The following ETNPPL variants were observed in gnomAD, a reference collection of about 807,000 sequenced individuals.
ETNPPL encodes ethanolamine-phosphate phospho-lyase, also known as alanine--glyoxylate aminotransferase 2-like 1.
A neutral mutation model predicts 55.5 loss-of-function variants in ETNPPL; 30 were observed. That is an observed-to-expected ratio of 0.54 (90% CI 0.40 to 0.73). ETNPPL has a LOEUF of 0.73. Ranked by LOEUF, ETNPPL falls within the 30% of genes least tolerant of loss-of-function variation. ETNPPL has a pLI of 0.00. For missense variants in ETNPPL, 528 were observed against 607.9 expected (o/e 0.87, Z 1.38); for synonymous variants, 202 against 207.2 (o/e 0.98, Z 0.21).
Position 108,754,640 on chromosome 4 carries a change from T to C in ETNPPL, c.481A>G (p.Lys161Glu). 6.4e-7 allele frequency: 1 copy of C among 1,573,530 alleles called. No homozygotes were observed. The highest frequency in any genetic ancestry group is 8.7e-7 in the Non-Finnish European group (1 of 1,144,872). Residue 161 changes from lysine to glutamate, a missense_variant, in exon 5 of 13, where the codon AAA (lysine) becomes GAA (glutamate). Lys to Glu is a moderately conservative substitution (Grantham distance 56). Transcript: ENST00000296486. Reference sequence around the variant, plus strand: ...CTTACCACATGTACAAATTCTTTTTTGACATCTTTTCCTTTCTGAAACTTA... The same window carrying C: ...CTTACCACATGTACAAATTCTTTTTCGACATCTTTTCCTTTCTGAAACTTA... Reference protein sequence around the residue: ...PYKFQKGKDVKKEFVHVAPTP... With the variant: ...PYKFQKGKDVEKEFVHVAPTP...
chr4:108,762,993 T>C lies in ETNPPL; in HGVS notation c.-95A>G. 1 of 1,202,556 alleles carries C rather than the reference T, an allele frequency of 8.3e-7. No individual in the cohort carries two copies. The highest frequency in any genetic ancestry group is 1.8e-5 in the Admixed American group (1 of 56,002). 74.5% of individuals were successfully genotyped at this position (1,202,556 alleles called of 1,614,324 possible). On this transcript the variant is annotated 5_prime_UTR_variant, in exon 1 of 13. Coordinates refer to ENST00000296486, the MANE Select transcript of ETNPPL (RefSeq NM_031279.4). ...ACTGCCTTGGCGGCCCCGGCCGGCC[T>C]TCCTCCCGTTATCCCTCCTGGCGTT...
chr4:108,747,406 A>T (rs188643836), intron 9 of ETNPPL, among the ~76,000 whole-genome samples: 28 of 150,548 alleles, frequency 1.9e-4, no homozygotes, highest in African/African-American at 5.3e-4. Flanking sequence ...TAACTTTATT[A>T]AAAAAGTATA....
intron 11 of ETNPPL, among the ~76,000 whole-genome samples, chr4:108,745,845 C>T (rs56174911): frequency 0.023 from 3,270 of 142,776 alleles, 43 homozygotes; most frequent in Non-Finnish European, 0.036. Flanking sequence ...GCAGGAGAAT[C>T]GCTGAAACCC....
At chr4:108,742,803 G>A (rs73838501) in intron 12 of ETNPPL, among the ~76,000 whole-genome samples, 191 bp from the exon 13 acceptor site, 8,207 of 152,212 alleles carry the variant, frequency 0.054, 362 homozygotes, top group Middle Eastern at 0.14. Context: ...CAGAAAATCC[G>A]GGACTCCGAG....
At chr4:108,747,908 T>C in intron 9 of ETNPPL, 97 bp downstream of exon 9, 1 of 1,061,078 alleles carries the variant, frequency 9.4e-7, no homozygotes, top group Non-Finnish European at 1.4e-6. Context: ...TTTTGTAGTT[T>C]TAATAGAGAC....
chr4:108,756,593 T>G, intron 3 of ETNPPL, 101 bp from the exon 4 acceptor site: 4 of 857,868 alleles, frequency 4.7e-6, no homozygotes, highest in East Asian at 2.5e-5. Flanking sequence ...TCCTAGCGCT[T>G]TGAGAGGCCA....
At chr4:108,747,772 A>G in intron 9 of ETNPPL, 1 of 397,130 alleles carries the variant, frequency 2.5e-6, no homozygotes. Flanking sequence ...CCTATCACCC[A>G]GGCTGGAATG....
chr4:108,742,405 A>C lies in ETNPPL; in HGVS notation c.*79T>G. On this transcript the variant is annotated 3_prime_UTR_variant, in exon 13 of 13. Transcript: ENST00000296486. ...ACAATTCCACCTTTAGAGGTATAAT[A>C]GAGCTATTAACCGATGAGACACATC... 148 of 1,422,972 alleles carry C rather than the reference A, an allele frequency of 1.0e-4. No individual in the cohort carries two copies. The highest frequency in any genetic ancestry group is 1.3e-4 in the Non-Finnish European group (136 of 1,016,340). 88.1% of individuals were successfully genotyped at this position (1,422,972 alleles called of 1,614,324 possible).
chr4:108,754,687 G>A lies in ETNPPL; in HGVS notation c.434C>T (p.Ser145Phe), dbSNP rs146821959. Residue 145 changes from serine (S) to phenylalanine (F), a missense_variant, in exon 5 of 13, where the codon TCC becomes TTC. Physicochemically the swap from Ser to Phe is radical, Grantham distance 155 (BLOSUM62 -2). Coordinates refer to ENST00000296486, the MANE Select transcript of ETNPPL (RefSeq NM_031279.4). ...LDHAYHGHLS[S>F]LIEISPYKFQ... ...CTTATATGGGCTAATCTCAATTAAG[G>A]ATGATAGGTGACCATGGTAAGCACT... The A allele has an allele frequency of 5.1e-4, 818 of 1,594,300 alleles. No homozygotes were observed. The highest frequency in any genetic ancestry group is 6.5e-4 in the Non-Finnish European group (756 of 1,164,522).
At chr4:108,744,829 C>G (rs1728390646) in intron 11 of ETNPPL, among the ~76,000 whole-genome samples, 1 of 151,592 alleles carries the variant, frequency 6.6e-6, no homozygotes, top group African/African-American at 2.4e-5. Context: ...ATACTCCCAC[C>G]TCAGCCAAGT....
At chr4:108,752,045 C>A (rs1409762567) in intron 6 of ETNPPL, among the ~76,000 whole-genome samples, 1 of 152,054 alleles carries the variant, frequency 6.6e-6, no homozygotes, top group South Asian at 2.1e-4. Context: ...TCCTACAACA[C>A]GTAGAGCTTT....
rs201500507 is a variant in ETNPPL, at chr4:108,760,243, G to A, written c.120C>T (p.Tyr40=). 1.4e-4 allele frequency: 225 copies of A among 1,612,712 alleles called. No homozygotes were observed. Among genetic ancestry groups the A allele is most frequent in the Non-Finnish European group, 1.9e-4 (220 of 1,179,016 alleles). ...ACTGTTCACCGTTCTCATCAAACAT[G>A]TACTGCCTCTGGGCTCTCACTATTT... The part of the protein sequence containing the change: ...PIKIVRAQRQ[Y]MFDENGEQYL... Residue 40 remains tyrosine, a synonymous_variant, in exon 2 of 13, where the codon TAC becomes TAT. Coordinates refer to ENST00000296486, the MANE Select transcript of ETNPPL (RefSeq NM_031279.4).
At chr4:108,751,838 T>C (rs1290531051) in intron 6 of ETNPPL, among the ~76,000 whole-genome samples, 1 of 152,266 alleles carries the variant, frequency 6.6e-6, no homozygotes, top group Non-Finnish European at 1.5e-5. Context: ...TATTTGTTCA[T>C]TGCTTTCAGC....
intron 12 of ETNPPL, 82 bp downstream of exon 12, chr4:108,743,707 T>G: frequency 1.9e-6 from 2 of 1,078,398 alleles, no homozygotes; most frequent in Non-Finnish European, 2.9e-6. Flanking sequence ...CACTGCACAA[T>G]TTTTTGAAAA....
At position 108,760,326 on chromosome 4, in the gene ETNPPL, A is replaced by G. The variant is rs200391278; in HGVS notation, c.57-20T>C. The stretch of plus-strand genomic sequence containing the variant: ...GAGGGCCTAGAAATAATCAAAGGAA[A>G]CACTTTGGTCTGGTAGGACTACTCT... On this transcript the variant is annotated intron_variant, in intron 1 of 12. Coordinates refer to ENST00000296486, the MANE Select transcript of ETNPPL (RefSeq NM_031279.4). 7.0e-7 allele frequency: 1 copy of G among 1,424,058 alleles called. No homozygotes were observed. Among genetic ancestry groups the G allele is most frequent in the East Asian group, 2.3e-5 (1 of 43,738 alleles). 88.2% of individuals were successfully genotyped at this position (1,424,058 alleles called of 1,614,324 possible).
chr4:108,758,777 G>T (rs1419646201), intron 3 of ETNPPL, among the ~76,000 whole-genome samples: 6 of 152,216 alleles, frequency 3.9e-5, no homozygotes, highest in African/African-American at 1.4e-4. Context: ...TTCTGGCTGG[G>T]CACGGTTGCT....
chr4:108,762,437 A>C lies in ETNPPL; in HGVS notation c.56+406T>G, dbSNP rs1578399493. On this transcript the variant is annotated intron_variant, in intron 1 of 12. Coordinates refer to ENST00000296486, the MANE Select transcript of ETNPPL (RefSeq NM_031279.4). ...TTGTTTGCGGAGCCATCATGAAAAA[A>C]TATTTCTCAGTTCACAGTTTCCAAA... The C allele has an allele frequency of 2.3e-5, 13 of 576,860 alleles. No homozygotes were observed. The East Asian group carries it at 5.3e-4, about 23-fold the overall frequency. The allele number at this position is 576,860 out of a possible 1,614,324, so 35.7% of individuals were successfully genotyped here.
rs531548599 is a variant in ETNPPL, at chr4:108,759,267, G to A, written c.335+482C>T. On this transcript the variant is annotated intron_variant, in intron 3 of 12. Transcript: ENST00000296486. ...TCACAAAAAATTAGCTGGGCGTTGT[G>A]GCGGGTGCCTGTAATCCCAGCTACT... is the stretch of plus-strand genomic sequence containing the variant. Among the ~76,000 whole-genome samples, 14 of 151,562 alleles carry A rather than the reference G, an allele frequency of 9.2e-5. No individual in the cohort carries two copies. The South Asian group carries it at 2.7e-3, about 29-fold the overall frequency.
rs755208365 is a variant in ETNPPL at position 108,748,156 on chromosome 4, C to T, written c.931G>A (p.Gly311Arg). 6.4e-6 allele frequency: 10 copies of T among 1,552,858 alleles called. No homozygotes were observed. In the African/African-American group the frequency reaches 1.4e-4, roughly 21 times the overall value. ...SSGMEYFNTY[G>R]GNPVSCAVGL... ...ACAGCACAAGATACTGGATTTCCTC[C>T]ATACTGTAAAAAAAAAAAAGACAAA... is the stretch of plus-strand genomic sequence containing the variant. Residue 311 changes from glycine to arginine, a missense_variant, in exon 9 of 13, where the codon GGA (glycine) becomes AGA (arginine). Transcript: ENST00000296486.
Sources: gnomAD v4.1 joint callset for allele counts (sites outside exome capture counted in the v4.1 genomes callset) on GRCh38, gnomAD v4.1.1 for gene constraint, MANE v1.5 for transcripts, NCBI Gene and HGNC (gene_info 2026-07-23, HGNC 2026-07-21) for gene names.